Variants in NFIL3 observed in about 807,000 individuals in gnomAD.
The protein encoded by NFIL3 is nuclear factor interleukin-3-regulated protein.
A neutral mutation model predicts 10.0 loss-of-function variants in NFIL3; 5 were observed. That is an observed-to-expected ratio of 0.50 (90% CI 0.26 to 1.06). NFIL3 has a LOEUF of 1.06. Among genes scored for constraint, NFIL3 ranks in the 50% least tolerant of loss-of-function variants. The pLI is 0.13. For synonymous variants in NFIL3, 202 were observed against 206.5 expected, an observed-to-expected ratio of 0.98 and a Z score of 0.19; for missense variants, 436 against 547.6, an observed-to-expected ratio of 0.80 and a Z score of 2.03.
At chr9:91,413,058 C>A (rs933931948) in intron 1 of NFIL3, among the ~76,000 whole-genome samples, 8 of 151,994 alleles carry the variant, frequency 5.3e-5, no homozygotes, top group African/African-American at 1.7e-4. Flanking sequence ...CAGGTTTTTG[C>A]CCATTAAACT....
Position 91,412,741 on chromosome 9 carries a change from G to A in NFIL3, c.-172-1835C>T, listed in dbSNP as rs558830835. Among the ~76,000 whole-genome samples, 58 of 152,054 alleles carry A rather than the reference G, an allele frequency of 3.8e-4. 1 individual carries two copies. The highest frequency in any genetic ancestry group is 3.3e-4 in the Admixed American group (5 of 15,252). ...CGCCTGTAATCCCAGCTACTCGGGA[G>A]GCTGAGGCAGGAGAATCGCTTGAAC... On this transcript the variant is annotated intron_variant, in intron 1 of 1. Coordinates refer to ENST00000297689, the MANE Select transcript of NFIL3 (RefSeq NM_005384.3).
the NFIL3 span, among the ~76,000 whole-genome samples, chr9:91,437,640 G>C: frequency 1.3e-5 from 2 of 152,112 alleles, no homozygotes; most frequent in African/African-American, 4.8e-5. Flanking sequence ...TGTGTCCTCT[G>C]ACCTACATCT....
chr9:91,427,237 A>T (rs1374380859), upstream of NFIL3: 1 of 152,178 alleles, frequency 6.6e-6, no homozygotes, highest in Admixed American at 6.5e-5. Flanking sequence ...TTCATTAAAA[A>T]ATAAAAGACT....
the NFIL3 span, among the ~76,000 whole-genome samples, chr9:91,472,343 A>G: frequency 2.0e-5 from 3 of 152,338 alleles, no homozygotes; most frequent in South Asian, 4.1e-4. Flanking sequence ...AGGTACACCA[A>G]TCAGATGTAG....
the NFIL3 span, among the ~76,000 whole-genome samples, chr9:91,478,608 GT>G: frequency 3.3e-5 from 5 of 152,078 alleles, no homozygotes; most frequent in Middle Eastern, 3.4e-3. Flanking sequence ...GCTCGGAGGA[GT>G]TTGTTATTAC....
the NFIL3 span, among the ~76,000 whole-genome samples, chr9:91,455,304 A>G: frequency 2.0e-5 from 3 of 152,094 alleles, no homozygotes; most frequent in Non-Finnish European, 4.4e-5. Flanking sequence ...GTGGTGTTTG[A>G]CTGATGTTGA....
chr9:91,420,363 A>T (rs1355851970), intron 1 of NFIL3, among the ~76,000 whole-genome samples: 3 of 151,364 alleles, frequency 2.0e-5, no homozygotes, highest in East Asian at 1.9e-4. Context: ...ACACACACAC[A>T]CACACACACA....
At chr9:91,418,855 GTTTT>G (rs10608008) in intron 1 of NFIL3, among the ~76,000 whole-genome samples, 1 of 147,300 alleles carries the variant, frequency 6.8e-6, no homozygotes, top group Non-Finnish European at 1.5e-5. Flanking sequence ...AGTTTTGGGT[GTTTT>G]TTTTTTTTTT....
rs567555714 is a variant in NFIL3 at position 91,419,916 on chromosome 9, T to A, written c.-173+3724A>T. On this transcript the variant is annotated intron_variant, in intron 1 of 1. Transcript: ENST00000297689. ...ACAGGACTGGCCTTAGTTTTCAGGC[T>A]ACATATACCCCCTACAAGAGAGCTT... Among the ~76,000 whole-genome samples, 4 of 152,334 alleles carry A rather than the reference T, an allele frequency of 2.6e-5. No individual in the cohort carries two copies. In the East Asian group the frequency reaches 7.7e-4, roughly 29 times the overall value.
At chr9:91,445,960 C>T in the NFIL3 span, among the ~76,000 whole-genome samples, 1 of 151,524 alleles carries the variant, frequency 6.6e-6, no homozygotes, top group Admixed American at 6.6e-5. Context: ...GCAATGGCTA[C>T]TCATCCCTGG....
chr9:91,425,783 C>G (rs966554941), upstream of NFIL3, among the ~76,000 whole-genome samples: 1 of 152,190 alleles, frequency 6.6e-6, no homozygotes, highest in Non-Finnish European at 1.5e-5. Flanking sequence ...GGCCACTTTT[C>G]TCAAATTTAC....
At chr9:91,477,311 A>G in the NFIL3 span, among the ~76,000 whole-genome samples, 1 of 151,410 alleles carries the variant, frequency 6.6e-6, no homozygotes, top group Non-Finnish European at 1.5e-5. Flanking sequence ...CTCACATAGA[A>G]CCCCCTCGTG....
chr9:91,415,983 GAA>G (rs1370940071), intron 1 of NFIL3, among the ~76,000 whole-genome samples: 6 of 151,884 alleles, frequency 4.0e-5, no homozygotes, highest in African/African-American at 1.5e-4. Flanking sequence ...ATACTATCTA[GAA>G]CTTTTCTCCA....
chr9:91,422,371 G>A lies in NFIL3; in HGVS notation c.-173+1269C>T, dbSNP rs559286001. 2.4e-4 allele frequency among the ~76,000 whole-genome samples: 36 copies of A among 152,188 alleles called. 1 individual carries two copies. The South Asian group carries it at 7.5e-3, about 32-fold the overall frequency. ...GTGATAGGGCTAAATTTAGAAGAAC[G>A]TGCGTTTCATTTAGGGCAAAAGACA... On this transcript the variant is annotated intron_variant, in intron 1 of 1. Transcript: ENST00000297689.
the NFIL3 span, among the ~76,000 whole-genome samples, chr9:91,454,060 T>C: frequency 6.6e-6 from 1 of 150,418 alleles, no homozygotes; most frequent in South Asian, 2.1e-4. Context: ...GGGTGAAACA[T>C]CATCTCTACT....
the NFIL3 span, among the ~76,000 whole-genome samples, chr9:91,449,454 T>C: frequency 6.6e-6 from 1 of 152,296 alleles, no homozygotes; most frequent in Non-Finnish European, 1.5e-5. Context: ...TGCATTACAT[T>C]TTGGTAATTA....
chr9:91,425,370 A>AT (rs1833859892), upstream of NFIL3, among the ~76,000 whole-genome samples: 1 of 152,266 alleles, frequency 6.6e-6, no homozygotes, highest in East Asian at 1.9e-4. Context: ...TATTTAAAAA[A>AT]TTTTTATCAC....
At chr9:91,453,068 A>AT in the NFIL3 span, among the ~76,000 whole-genome samples, 1 of 152,036 alleles carries the variant, frequency 6.6e-6, no homozygotes, top group Non-Finnish European at 1.5e-5. Context: ...AGGGCTACAC[A>AT]TCTGAGGTCA....
the NFIL3 span, among the ~76,000 whole-genome samples, chr9:91,439,718 A>G: frequency 6.6e-6 from 1 of 152,158 alleles, no homozygotes; most frequent in Non-Finnish European, 1.5e-5. Flanking sequence ...TTTTTTATCA[A>G]CAAAGGATGT....
Sources: allele counts gnomAD v4.1 joint callset (sites outside exome capture counted in the v4.1 genomes callset), GRCh38; gene constraint gnomAD v4.1.1; transcripts MANE v1.5; gene names NCBI Gene and HGNC (gene_info 2026-07-23, HGNC 2026-07-21).